Variants in ATP9A observed in about 807,000 individuals in gnomAD.
ATP9A encodes probable phospholipid-transporting ATPase IIA.
A neutral mutation model predicts 144.1 loss-of-function variants in ATP9A; 52 were observed. That is an observed-to-expected ratio of 0.36 (90% CI 0.29 to 0.45). The LOEUF (loss-of-function observed/expected upper bound fraction) is 0.45, where lower values mean the gene tolerates loss of function less well. Among genes scored for constraint, ATP9A ranks in the 20% least tolerant of loss-of-function variants. The pLI is 1.00. For synonymous variants in ATP9A, 582 were observed against 557.4 expected, an observed-to-expected ratio of 1.04 and a Z score of -0.62; for missense variants, 947 against 1,392.7, an observed-to-expected ratio of 0.68 and a Z score of 5.09.
At chr20:51,608,954 T>TGTGTGTGTG (rs59577973) in intron 24 of ATP9A, among the ~76,000 whole-genome samples, 2 of 147,532 alleles carry the variant, frequency 1.4e-5, no homozygotes, top group African/African-American at 2.5e-5. Context: ...TGTGTGTGTG[T>TGTGTGTGTG]AGGGGGTGAT....
intron 16 of ATP9A, among the ~76,000 whole-genome samples, chr20:51,628,288 C>T (rs2077257711): frequency 2.0e-5 from 3 of 152,196 alleles, no homozygotes; most frequent in Admixed American, 1.3e-4. Context: ...AAAACTGCCT[C>T]CCTCCTGCTG....
intron 1 of ATP9A, among the ~76,000 whole-genome samples, chr20:51,742,017 C>T (rs2077787229): frequency 6.6e-6 from 1 of 152,300 alleles, no homozygotes; most frequent in African/African-American, 2.4e-5. Context: ...ACTCCATTTA[C>T]ATAAATGTAT....
At chr20:51,762,651 C>A (rs1362986467) in intron 1 of ATP9A, among the ~76,000 whole-genome samples, 1 of 151,252 alleles carries the variant, frequency 6.6e-6, no homozygotes, top group African/African-American at 2.4e-5. Flanking sequence ...AAGAGCGAGA[C>A]CCTGTCTAAA....
At chr20:51,725,208 T>C (rs1601129181) in intron 3 of ATP9A, among the ~76,000 whole-genome samples, 2 of 152,274 alleles carry the variant, frequency 1.3e-5, no homozygotes, top group East Asian at 3.9e-4. Flanking sequence ...CTGCAACCTC[T>C]GCCTCTCAGG....
intron 27 of ATP9A, among the ~76,000 whole-genome samples, 159 bp from the exon 28 acceptor site, chr20:51,601,506 G>C (rs1036588998): frequency 1.2e-4 from 19 of 152,208 alleles, no homozygotes; most frequent in African/African-American, 4.6e-4. Context: ...GACTGTAAGG[G>C]AAGGTACCAT....
chr20:51,604,282 C>T (rs1306221971), intron 27 of ATP9A, among the ~76,000 whole-genome samples: 1 of 152,190 alleles, frequency 6.6e-6, no homozygotes. Flanking sequence ...ACGGCAGGTG[C>T]TCCCACGTCT....
chr20:51,747,887 G>A (rs908638247), intron 1 of ATP9A, among the ~76,000 whole-genome samples: 1 of 152,140 alleles, frequency 6.6e-6, no homozygotes, highest in African/African-American at 2.4e-5. Flanking sequence ...GCCAAGGCAG[G>A]CATGCCCCGG....
At chr20:51,641,056 T>A (rs1184383677) in intron 14 of ATP9A, among the ~76,000 whole-genome samples, 1 of 152,006 alleles carries the variant, frequency 6.6e-6, no homozygotes, top group Non-Finnish European at 1.5e-5. Context: ...GAGACCCCAT[T>A]TCTAAAAAAA....
chr20:51,675,278 C>T (rs1382829395), intron 10 of ATP9A, among the ~76,000 whole-genome samples: 3 of 152,082 alleles, frequency 2.0e-5, no homozygotes, highest in African/African-American at 7.2e-5. Context: ...AATGGTGGAG[C>T]GACCATGACT....
intron 14 of ATP9A, among the ~76,000 whole-genome samples, chr20:51,652,193 G>T (rs929912570): frequency 6.6e-6 from 1 of 152,218 alleles, no homozygotes; most frequent in African/African-American, 2.4e-5. Context: ...GCAGTGCTCC[G>T]CTCCTCCGGG....
At chr20:51,709,802 A>G (rs1330519404) in intron 4 of ATP9A, among the ~76,000 whole-genome samples, 1 of 152,248 alleles carries the variant, frequency 6.6e-6, no homozygotes, top group Non-Finnish European at 1.5e-5. Flanking sequence ...TTCTCCATAT[A>G]ATTCTTGCAA....
chr20:51,731,623 G>A (rs1268629948), intron 1 of ATP9A, among the ~76,000 whole-genome samples: 1 of 151,836 alleles, frequency 6.6e-6, no homozygotes, highest in Non-Finnish European at 1.5e-5. Context: ...GGAGGCTGAG[G>A]CAGGAGAATA....
At chr20:51,625,547 C>T (rs2077244964) in intron 17 of ATP9A, among the ~76,000 whole-genome samples, 185 bp from the exon 18 acceptor site, 1 of 152,156 alleles carries the variant, frequency 6.6e-6, no homozygotes. Context: ...TCCATGTAGA[C>T]ACTGCACAGA....
intron 6 of ATP9A, among the ~76,000 whole-genome samples, chr20:51,695,802 T>C (rs912206901): frequency 2.0e-5 from 3 of 152,204 alleles, no homozygotes; most frequent in East Asian, 1.9e-4. Context: ...ACTCCTGAGG[T>C]TGAGCTTAAC....
intron 14 of ATP9A, among the ~76,000 whole-genome samples, chr20:51,642,971 GC>G (rs1209205888): frequency 6.6e-6 from 1 of 151,878 alleles, no homozygotes; most frequent in Non-Finnish European, 1.5e-5. Context: ...CCAGCCCCCA[GC>G]CCCCACAGGC....
chr20:51,743,408 T>TTTTTTTTA (rs2077793442), intron 1 of ATP9A, among the ~76,000 whole-genome samples: 1 of 139,154 alleles, frequency 7.2e-6, no homozygotes, highest in South Asian at 2.4e-4. Context: ...TTTTTTTTTT[T>TTTTTTTTA]TTTTTTTTTG....
intron 14 of ATP9A, among the ~76,000 whole-genome samples, chr20:51,655,449 A>G (rs1326084551): frequency 6.6e-6 from 1 of 151,874 alleles, no homozygotes; most frequent in Non-Finnish European, 1.5e-5. Context: ...AGAAAAACAG[A>G]CAAAGTGAAA....
At chr20:51,760,652 G>A (rs923599742) in intron 1 of ATP9A, among the ~76,000 whole-genome samples, 1 of 151,780 alleles carries the variant, frequency 6.6e-6, no homozygotes, top group Non-Finnish European at 1.5e-5. Context: ...ACTTGAACTG[G>A]GAGGTGGAGG....
intron 3 of ATP9A, among the ~76,000 whole-genome samples, chr20:51,715,098 CCCAAGGGTTAG>C (rs1430730938): frequency 6.6e-6 from 1 of 152,182 alleles, no homozygotes; most frequent in Non-Finnish European, 1.5e-5. Context: ...AGCATAACCA[CCCAAGGGTTAG>C]CAGTTGTGGT....
Sources: allele counts gnomAD v4.1 joint callset (sites outside exome capture counted in the v4.1 genomes callset), GRCh38; gene constraint gnomAD v4.1.1; transcripts MANE v1.5; gene names NCBI Gene and HGNC (gene_info 2026-07-23, HGNC 2026-07-21).